Variants in AP3M2 observed in about 807,000 individuals in gnomAD.
The protein encoded by AP3M2 is AP-3 complex subunit mu-2.
In AP3M2, 28 loss-of-function variants were observed where a neutral mutation model predicts 41.6. The ratio of observed to expected loss-of-function variants is 0.67; its 90% CI spans 0.50 to 0.92. The LOEUF (loss-of-function observed/expected upper bound fraction) is 0.92. Among genes scored for constraint, AP3M2 ranks in the 40% least tolerant of loss-of-function variants. The pLI is 0.00. For synonymous variants in AP3M2, 193 were observed against 186.4 expected, an observed-to-expected ratio of 1.04 and a Z score of -0.29; for missense variants, 427 against 521.4, an observed-to-expected ratio of 0.82 and a Z score of 1.76.
intron 7 of AP3M2, 22 bp downstream of exon 7, chr8:42,167,393 T>C: frequency 6.2e-7 from 1 of 1,611,032 alleles, no homozygotes; most frequent in African/African-American, 1.3e-5. Context: ...CAGGACATCT[T>C]GAATTGCTGA....
chr8:42,169,152 C>A lies in AP3M2; in HGVS notation c.*91C>A. The A allele has an allele frequency of 1.9e-6, 2 of 1,074,498 alleles. No individual in the cohort carries two copies. Among genetic ancestry groups the A allele is most frequent in the East Asian group, 2.7e-5 (1 of 37,534 alleles). 66.6% of individuals were successfully genotyped at this position (1,074,498 alleles called of 1,614,324 possible). The stretch of plus-strand genomic sequence containing the variant: ...AAAAATATCAGCCTGTCTCCTAGGT[C>A]AGTCCCCTCCTGGACCCACCCGCTC... On this transcript the variant is annotated 3_prime_UTR_variant, in exon 9 of 9. Transcript: ENST00000396926.
At chr8:42,153,874 C>T (rs192774585) in intron 1 of AP3M2, 1 of 152,020 alleles carries the variant, frequency 6.6e-6, no homozygotes, top group Admixed American at 6.6e-5. Context: ...AATAAAGACC[C>T]CCAAGGGCAG....
intron 7 of AP3M2, 57 bp downstream of exon 7, chr8:42,167,428 G>A (rs1274881815): frequency 6.3e-7 from 1 of 1,585,684 alleles, no homozygotes; most frequent in Non-Finnish European, 8.6e-7. Context: ...CAGTCTGCAG[G>A]TTCTCTGTGT....
chr8:42,159,360 C>A (rs577356664), intron 3 of AP3M2, among the ~76,000 whole-genome samples: 1 of 152,270 alleles, frequency 6.6e-6, no homozygotes, highest in African/African-American at 2.4e-5. Flanking sequence ...GTAACAATTT[C>A]AAAGCACTGT....
rs1804724269 is a variant in AP3M2 at position 42,169,116 on chromosome 8, TA to T, written c.*59del. On this transcript the variant is annotated 3_prime_UTR_variant, in exon 9 of 9. Transcript: ENST00000396926. ...CACATTTTTTCATTTCTTACTTGTCTAAAAGTAAAAAAAAATATCAGCCTGT... is the reference window on the plus strand; with the variant it reads ...CACATTTTTTCATTTCTTACTTGTCTAAAGTAAAAAAAAATATCAGCCTGT... The T allele has an allele frequency of 6.9e-7, 1 of 1,439,556 alleles. No individual in the cohort carries two copies. The highest frequency in any genetic ancestry group is 1.2e-5 in the South Asian group (1 of 81,590). The allele number at this position is 1,439,556 out of a possible 1,614,324, so 89.2% of individuals were successfully genotyped here.
Position 42,170,285 on chromosome 8 carries a change from GT to G in AP3M2, c.*1225del, listed in dbSNP as rs1804762958. 6.6e-6 allele frequency: 1 copy of G among 152,150 alleles called. No homozygotes were observed. Among genetic ancestry groups the G allele is most frequent in the East Asian group, 1.9e-4 (1 of 5,204 alleles). The allele number at this position is 152,150 out of a possible 1,614,324, so 9.4% of individuals were successfully genotyped here. On this transcript the variant is annotated 3_prime_UTR_variant, in exon 9 of 9. Coordinates refer to ENST00000396926, the MANE Select transcript of AP3M2 (RefSeq NM_006803.4). Reference sequence around the variant, plus strand: ...ATCATGTATTCATTAATATCTACCAGTCCCTTTTCATTCTAAGACAAAACAT... The same window carrying G: ...ATCATGTATTCATTAATATCTACCAGCCCTTTTCATTCTAAGACAAAACAT...
chr8:42,169,089 T>A lies in AP3M2; in HGVS notation c.*28T>A. The A allele has an allele frequency of 1.3e-6, 2 of 1,549,028 alleles. No homozygotes were observed. The highest frequency in any genetic ancestry group is 1.8e-6 in the Non-Finnish European group (2 of 1,133,824). ...GGAGCATTTGCTGAGGGAATAGTCT[T>A]GCACATTTTTTCATTTCTTACTTGT... On this transcript the variant is annotated 3_prime_UTR_variant, in exon 9 of 9. Coordinates refer to ENST00000396926, the MANE Select transcript of AP3M2 (RefSeq NM_006803.4).
At chr8:42,166,298 G>A (rs1804635384) in intron 6 of AP3M2, among the ~76,000 whole-genome samples, 1 of 152,050 alleles carries the variant, frequency 6.6e-6, no homozygotes, top group South Asian at 2.1e-4. Flanking sequence ...ATACTTATTG[G>A]GAGGATTAAA....
chr8:42,158,127 G>A lies in AP3M2; in HGVS notation c.445+15G>A. On this transcript the variant is annotated intron_variant, in intron 3 of 8. Transcript: ENST00000396926. ...CACCATCACAGGTACGGCAGAGGGG[G>A]AAACTGATAGATAGTGGCCATCCTA... 2 of 1,609,428 alleles carry A rather than the reference G, an allele frequency of 1.2e-6. No homozygotes were observed. The highest frequency in any genetic ancestry group is 1.7e-6 in the Non-Finnish European group (2 of 1,176,092).
At chr8:42,154,506 G>A in intron 1 of AP3M2, 110 bp from the exon 2 acceptor site, 1 of 768,078 alleles carries the variant, frequency 1.3e-6, no homozygotes, top group Non-Finnish European at 2.0e-6. Context: ...TCATGCAGGA[G>A]GGGAAGATTG....
At chr8:42,164,955 G>A in intron 4 of AP3M2, 116 bp from the exon 5 acceptor site, 3 of 799,500 alleles carry the variant, frequency 3.8e-6, no homozygotes, top group Non-Finnish European at 5.8e-6. Context: ...AGGAAGGGGA[G>A]GGAGAGAGAG....
chr8:42,153,344 C>G (rs1256212935), intron 1 of AP3M2: 1 of 152,160 alleles, frequency 6.6e-6, no homozygotes, highest in African/African-American at 2.4e-5. Flanking sequence ...GCCCGGCACC[C>G]CTGCGCTCTT....
intron 1 of AP3M2, chr8:42,153,315 A>ACGT (rs1314101850): frequency 6.6e-6 from 1 of 151,962 alleles, no homozygotes; most frequent in East Asian, 1.9e-4. Flanking sequence ...ATGGCAGCGC[A>ACGT]CGTGCGCTCG....
In AP3M2 at chr8:42,162,943, C is replaced by CAAAAAAA. The variant is rs67923954; in HGVS notation, c.583+547_583+553dup. Reference sequence around the variant, plus strand: ...CCTGGGCAACAGCAAGACCCTGTCTCAAAAAAAAAAAAAAAAAAAAAAAAA... The same window carrying CAAAAAAA: ...CCTGGGCAACAGCAAGACCCTGTCTCAAAAAAAAAAAAAAAAAAAAAAAAAAAAAAAA... On this transcript the variant is annotated intron_variant, in intron 4 of 8. Coordinates refer to ENST00000396926, the MANE Select transcript of AP3M2 (RefSeq NM_006803.4). 8.5e-4 allele frequency among the ~76,000 whole-genome samples: 46 copies of CAAAAAAA among 54,174 alleles called. 1 individual carries two copies. Among genetic ancestry groups the CAAAAAAA allele is most frequent in the East Asian group, 1.7e-3 (4 of 2,372 alleles). 35.5% of individuals were successfully genotyped at this position (54,174 alleles called of 152,430 possible). A position where few individuals can be genotyped will look rare whatever the true frequency, so the allele number is the denominator to read the frequency against.
chr8:42,165,540 T>A lies in AP3M2; in HGVS notation c.783T>A (p.Ser261=). 1 of 1,614,174 alleles carries A rather than the reference T, an allele frequency of 6.2e-7. No individual in the cohort carries two copies. Among genetic ancestry groups the A allele is most frequent in the Non-Finnish European group, 8.5e-7 (1 of 1,180,018 alleles). Residue 261 remains serine (S), a synonymous_variant, in exon 6 of 9, where the codon TCT becomes TCA. Transcript: ENST00000396926. ...IPPDGNFRLL[S]YHVSAQNLVA... ...CTGATGGAAACTTCCGCCTGCTGTC[T>A]TACCATGTCAGTGCACAGAAGTAAG...
In AP3M2 at chr8:42,154,460, T is replaced by C. The variant is rs911688993; in HGVS notation, c.-72-156T>C. The stretch of plus-strand genomic sequence containing the variant: ...GATTGACAGTCAGATGACTGATCAT[T>C]ATCGTTTCGAATTCAAGGGAGGGCT... On this transcript the variant is annotated intron_variant, in intron 1 of 8. Transcript: ENST00000396926. 9.2e-6 allele frequency: 5 copies of C among 545,554 alleles called. No homozygotes were observed. In the African/African-American group the frequency reaches 9.4e-5, roughly 10 times the overall value. 33.8% of individuals were successfully genotyped at this position (545,554 alleles called of 1,614,324 possible). A position where few individuals can be genotyped will look rare whatever the true frequency, so the allele number is the denominator to read the frequency against.
chr8:42,162,419 G>T lies in AP3M2; in HGVS notation c.583+1G>T, dbSNP rs1303554752. On this transcript the variant is annotated splice_donor_variant, in intron 4 of 8. Transcript: ENST00000396926. LOFTEE classifies it high-confidence loss of function. ...ATTGATGCAATTATTGATAAATCAG[G>T]TAGGTGCTTTTAATATGTTCTCAGA... The T allele has an allele frequency of 1.2e-6, 2 of 1,601,460 alleles. No homozygotes were observed. The highest frequency in any genetic ancestry group is 1.7e-6 in the Non-Finnish European group (2 of 1,174,176).
At chr8:42,154,129 A>G (rs1352413592) in intron 1 of AP3M2, 1 of 152,834 alleles carries the variant, frequency 6.5e-6, no homozygotes, top group Non-Finnish European at 1.5e-5. Context: ...TCTTACACTT[A>G]ACAGCACACC....
At chr8:42,153,138 G>C (rs1032851181) in intron 1 of AP3M2, 33 bp downstream of exon 1, 5 of 123,150 alleles carry the variant, frequency 4.1e-5, no homozygotes, top group African/African-American at 1.3e-4. Flanking sequence ...AGCCTGGAGA[G>C]GGGGCAGGAG....
Sources: gnomAD v4.1 joint callset for allele counts (sites outside exome capture counted in the v4.1 genomes callset) on GRCh38, gnomAD v4.1.1 for gene constraint, MANE v1.5 for transcripts, NCBI Gene and HGNC (gene_info 2026-07-23, HGNC 2026-07-21) for gene names.